MYRF: variants seen among roughly 807,000 people sequenced by gnomAD.
The protein encoded by MYRF is myelin gene regulatory factor.
A neutral mutation model predicts 126.3 loss-of-function variants in MYRF; 16 were observed. The ratio of observed to expected loss-of-function variants is 0.13; its 90% CI spans 0.09 to 0.19. The LOEUF is 0.19. Among genes scored for constraint, MYRF ranks in the 10% least tolerant of loss-of-function variants. The probability of loss-of-function intolerance (pLI) is 1.00; values close to 1 mark genes in which losing one functional copy is unlikely to be tolerated. For missense variants in MYRF, 1,104 were observed against 1,547.0 expected (o/e 0.71, Z 4.80); for synonymous variants, 608 against 635.3 (o/e 0.96, Z 0.65).
rs146348968 is a variant in MYRF, at chr11:61,774,073, A to G, written c.1222A>G (p.Ile408Val). The G allele has an allele frequency of 2.1e-4, 341 of 1,613,870 alleles. 1 individual carries two copies. The highest frequency in any genetic ancestry group is 1.4e-3 in the Admixed American group (82 of 60,010). ...KKNHFQVTVY[I>V]GMLGEPKYVK... ...GAACCACTTCCAGGTGACAGTGTAC[A>G]TCGGCATGCTGGGCGAGCCCAAGTA... is the stretch of plus-strand genomic sequence containing the variant. The change falls in exon 8 of 27, where the codon ATC (isoleucine) becomes GTC (valine). Residue 408 changes from isoleucine (I) to valine (V), a missense_variant. By Grantham distance (29) the Ile-to-Val change is conservative. This residue lies in a region of MYRF where 36 missense variants were observed against 47.5 expected (regional missense o/e 0.76). Coordinates refer to ENST00000278836, the MANE Select transcript of MYRF (RefSeq NM_001127392.3).
In MYRF at chr11:61,771,610, C is replaced by T; in HGVS notation, c.851C>T (p.Ala284Val). 1 of 1,614,038 alleles carries T rather than the reference C, an allele frequency of 6.2e-7. No homozygotes were observed. The highest frequency in any genetic ancestry group is 8.5e-7 in the Non-Finnish European group (1 of 1,180,000). ...AAACAGGAGCCTGGGACCGTGACAG[C>T]CCTGCCTCTGCACCCCACTCGAGCC... ...MIKQEPGTVT[A>V]LPLHPTRAPS... Residue 284 changes from alanine (A) to valine (V), a missense_variant, in exon 6 of 27, where the codon GCC becomes GTC. Coordinates refer to ENST00000278836, the MANE Select transcript of MYRF (RefSeq NM_001127392.3).
At position 61,764,319 on chromosome 11, in the gene MYRF, C is replaced by T. The variant is rs114068854; in HGVS notation, c.47-1306C>T. Among the ~76,000 whole-genome samples the T allele has an allele frequency of 7.7e-3, 1,171 of 152,334 alleles. 14 individuals carry two copies. Among genetic ancestry groups the T allele is most frequent in the African/African-American group, 0.027 (1,120 of 41,580 alleles). On this transcript the variant is annotated intron_variant, in intron 1 of 26. Coordinates refer to ENST00000278836, the MANE Select transcript of MYRF (RefSeq NM_001127392.3). ...GGCTGGGAAGTGAGGACGGCTGTTC[C>T]GACCGATGAGCACCCACTAAAGTGG...
At chr11:61,760,001 C>G (rs1268178440) in intron 1 of MYRF, among the ~76,000 whole-genome samples, 1 of 151,646 alleles carries the variant, frequency 6.6e-6, no homozygotes, top group Non-Finnish European at 1.5e-5. Flanking sequence ...CAGAGTCTCA[C>G]TCTGTCGCCC....
chr11:61,780,222 C>T lies in MYRF; in HGVS notation c.2337C>T (p.Ser779=), dbSNP rs1222185573. 1.2e-6 allele frequency: 2 copies of T among 1,613,922 alleles called. No homozygotes were observed. Among genetic ancestry groups the T allele is most frequent in the Non-Finnish European group, 8.5e-7 (1 of 1,179,910 alleles). Residue 779 remains serine, a splice_region_variant and synonymous_variant, in exon 18 of 27, where the codon AGC becomes AGT. Coordinates refer to ENST00000278836, the MANE Select transcript of MYRF (RefSeq NM_001127392.3). ...IIALVVVMAF[S]VVSMSTLYVL... is the part of the protein sequence containing the mutation. ...CGGTCACCCTTTTCTGTGGCTCCAGCGTGGTGTCCATGTCCACACTGTACG... is the reference window on the plus strand; with the variant it reads ...CGGTCACCCTTTTCTGTGGCTCCAGTGTGGTGTCCATGTCCACACTGTACG...
At chr11:61,764,145 A>G (rs1034652144) in intron 1 of MYRF, among the ~76,000 whole-genome samples, 5 of 152,140 alleles carry the variant, frequency 3.3e-5, no homozygotes, top group Non-Finnish European at 7.4e-5. Flanking sequence ...GGTCAGCAGG[A>G]GGGCCCTGGC....
rs536262707 is a variant in MYRF at position 61,769,415 on chromosome 11, G to T, written c.460+94G>T. 2.2e-5 allele frequency: 21 copies of T among 935,466 alleles called. No individual in the cohort carries two copies. The South Asian group carries it at 2.7e-4, about 12-fold the overall frequency. 57.9% of individuals were successfully genotyped at this position (935,466 alleles called of 1,614,324 possible). A position where few individuals can be genotyped will look rare whatever the true frequency, so the allele number is the denominator to read the frequency against. ...AGGTAGGGGAGGAGGGAGGGGGCCA[G>T]CGGCTGCCCAACGGGCTGAGATTAT... is the stretch of plus-strand genomic sequence containing the variant. On this transcript the variant is annotated intron_variant, in intron 4 of 26. Coordinates refer to ENST00000278836, the MANE Select transcript of MYRF (RefSeq NM_001127392.3).
rs756740213 is a variant in MYRF at position 61,773,949 on chromosome 11, C to T, written c.1116-18C>T. The T allele has an allele frequency of 6.3e-7, 1 of 1,595,016 alleles. No homozygotes were observed. The highest frequency in any genetic ancestry group is 1.7e-5 in the Admixed American group (1 of 58,126). On this transcript the variant is annotated intron_variant, in intron 7 of 26. Transcript: ENST00000278836. ...CGGCTCTGGGGCCTCAGGGGAGTGC[C>T]CTCACCCGCCCCCCCAGGCCCATGC...
At position 61,786,730 on chromosome 11, in the gene MYRF, G is replaced by C. The variant is rs1260917531; in HGVS notation, c.*587G>C. ...CCAGACTCGGACTTCTAAGCTTTAA[G>C]TGTGGCCCAGGAGGTTTCTTCTCCC... On this transcript the variant is annotated 3_prime_UTR_variant, in exon 27 of 27. Transcript: ENST00000278836. This position sits in a 1 kb window ranked among gnomAD's most constrained non-coding sequence, Gnocchi z 4.5. 1 of 153,704 alleles carries C rather than the reference G, an allele frequency of 6.5e-6. No individual in the cohort carries two copies. Among genetic ancestry groups the C allele is most frequent in the African/African-American group, 2.4e-5 (1 of 41,450 alleles). The allele number at this position is 153,704 out of a possible 1,614,324, so 9.5% of individuals were successfully genotyped here. A position where few individuals can be genotyped will look rare whatever the true frequency, so the allele number is the denominator to read the frequency against.
At position 61,786,221 on chromosome 11, in the gene MYRF, C is replaced by A. The variant is rs2066691979; in HGVS notation, c.*78C>A. 2.2e-6 allele frequency: 3 copies of A among 1,362,336 alleles called. No individual in the cohort carries two copies. Among genetic ancestry groups the A allele is most frequent in the African/African-American group, 2.9e-5 (2 of 69,400 alleles). 84.4% of individuals were successfully genotyped at this position (1,362,336 alleles called of 1,614,324 possible). On this transcript the variant is annotated 3_prime_UTR_variant, in exon 27 of 27. Transcript: ENST00000278836. The surrounding 1 kb of genome is among the most constrained non-coding windows in gnomAD (Gnocchi z 4.5). Reference sequence around the variant, plus strand: ...CCCAACACTGGATGCAATGGTGTTACACTGGAGCCCGCTGCAGGCCAGCTC... The same window carrying A: ...CCCAACACTGGATGCAATGGTGTTAAACTGGAGCCCGCTGCAGGCCAGCTC...
At chr11:61,765,039 T>C (rs972147873) in intron 1 of MYRF, among the ~76,000 whole-genome samples, 14 of 152,200 alleles carry the variant, frequency 9.2e-5, no homozygotes, top group Non-Finnish European at 1.9e-4. Context: ...GGCCAGGGCC[T>C]GGGTGCAGGA....
In MYRF at chr11:61,770,421, G is replaced by A. The variant is rs765641819; in HGVS notation, c.636G>A (p.Pro212=). The A allele has an allele frequency of 7.7e-6, 10 of 1,301,128 alleles. No homozygotes were observed. The highest frequency in any genetic ancestry group is 4.6e-5 in the Admixed American group (2 of 43,460). The allele number at this position is 1,301,128 out of a possible 1,614,324, so 80.6% of individuals were successfully genotyped here. ...QRDLYMKAEP[P]IPHYAAMGQG... is the part of the protein sequence containing the mutation. ...ATCTGTACATGAAGGCCGAGCCCCCGATCCCCCACTACGCTGCCATGGGGC... is the reference window on the plus strand; with the variant it reads ...ATCTGTACATGAAGGCCGAGCCCCCAATCCCCCACTACGCTGCCATGGGGC... Residue 212 remains proline (P), a synonymous_variant, in exon 5 of 27, where the codon CCG becomes CCA. Transcript: ENST00000278836.
intron 1 of MYRF, among the ~76,000 whole-genome samples, chr11:61,763,634 C>T (rs956328272): frequency 5.3e-5 from 8 of 152,092 alleles, no homozygotes; most frequent in Admixed American, 3.3e-4. Flanking sequence ...GAGGCTGAGG[C>T]GGGCAGATCA....
At position 61,781,640 on chromosome 11, in the gene MYRF, T is replaced by C; in HGVS notation, c.2832T>C (p.Asn944=). 6.2e-7 allele frequency: 1 copy of C among 1,613,836 alleles called. No homozygotes were observed. The highest frequency in any genetic ancestry group is 2.2e-5 in the East Asian group (1 of 44,880). ...IRAKSWGLSV[N]GIGHSKHHKS... ...CCAAGTCCTGGGGTCTTTCAGTCAATGGCATTGGCCACTCCAAGCATCACA... is the reference window on the plus strand; with the variant it reads ...CCAAGTCCTGGGGTCTTTCAGTCAACGGCATTGGCCACTCCAAGCATCACA... Residue 944 remains asparagine (N), a synonymous_variant, in exon 22 of 27, where the codon AAT becomes AAC. Coordinates refer to ENST00000278836, the MANE Select transcript of MYRF (RefSeq NM_001127392.3).
rs143144043 is a variant in MYRF, at chr11:61,771,624, C to G, written c.865C>G (p.Pro289Ala). 143 of 1,613,970 alleles carry G rather than the reference C, an allele frequency of 8.9e-5. No homozygotes were observed. Among genetic ancestry groups the G allele is most frequent in the Admixed American group, 2.8e-4 (17 of 60,020 alleles). Residue 289 changes from proline (P) to alanine (A), a missense_variant, in exon 6 of 27, where the codon CCC (proline) becomes GCC (alanine). This residue lies in a region of MYRF where 368 missense variants were observed against 403.9 expected (regional missense o/e 0.91). Transcript: ENST00000278836. ...PGTVTALPLH[P>A]TRAPSPPWPP... is the part of the protein sequence containing the mutation. Reference sequence around the variant, plus strand: ...GACCGTGACAGCCCTGCCTCTGCACCCCACTCGAGCCCCATCGCCACCCTG... The same window carrying G: ...GACCGTGACAGCCCTGCCTCTGCACGCCACTCGAGCCCCATCGCCACCCTG...
At chr11:61,756,377 A>T (rs1417620955) in intron 1 of MYRF, among the ~76,000 whole-genome samples, 2 of 151,988 alleles carry the variant, frequency 1.3e-5, no homozygotes, top group Non-Finnish European at 2.9e-5. Flanking sequence ...GGTAGAGACT[A>T]CCTGATGATT....
intron 3 of MYRF, chr11:61,766,948 G>A (rs967986874): frequency 4.9e-5 from 22 of 452,296 alleles, no homozygotes; most frequent in Non-Finnish European, 8.5e-5. Context: ...TGTTCAGACA[G>A]CCTGGCTCCA....
rs1373995911 is a variant in MYRF at position 61,757,247 on chromosome 11, G to T, written c.46+4457G>T. On this transcript the variant is annotated intron_variant, in intron 1 of 26. Transcript: ENST00000278836. This position sits in a 1 kb window ranked among gnomAD's most constrained non-coding sequence, Gnocchi z 4.7. ...TGGTTGGGTCTCGGGGTAGGATGATGTAATGGTTCTGTGCATTCGCCAGCG... is the reference window on the plus strand; with the variant it reads ...TGGTTGGGTCTCGGGGTAGGATGATTTAATGGTTCTGTGCATTCGCCAGCG... 1 of 456,814 alleles carries T rather than the reference G, an allele frequency of 2.2e-6. No individual in the cohort carries two copies. Among genetic ancestry groups the T allele is most frequent in the Non-Finnish European group, 4.4e-6 (1 of 226,970 alleles). The allele number at this position is 456,814 out of a possible 1,614,324, so 28.3% of individuals were successfully genotyped here.
chr11:61,760,607 G>C (rs2065871519), intron 1 of MYRF, among the ~76,000 whole-genome samples: 1 of 152,190 alleles, frequency 6.6e-6, no homozygotes. Flanking sequence ...GCCTGGGGGA[G>C]AGGGGACAGC....
At chr11:61,756,935 A>C (rs2065774702) in intron 1 of MYRF, 1 of 349,060 alleles carries the variant, frequency 2.9e-6, no homozygotes, top group Admixed American at 3.8e-5. Context: ...GGGCCCTGGC[A>C]GCAGAGGCTG....
Sources: allele counts gnomAD v4.1 joint callset (sites outside exome capture counted in the v4.1 genomes callset), GRCh38; gene constraint gnomAD v4.1.1; regional missense constraint gnomAD v4.1.1; non-coding constraint Gnocchi (gnomAD v3.1); transcripts MANE v1.5; gene names NCBI Gene and HGNC (gene_info 2026-07-23, HGNC 2026-07-21).